DLG2: variants seen among roughly 807,000 people sequenced by gnomAD.
DLG2 encodes disks large homolog 2.
In DLG2, 45 loss-of-function variants were observed where a neutral mutation model predicts 132.5. The ratio of observed to expected loss-of-function variants is 0.34; its 90% CI spans 0.27 to 0.44. DLG2 has a LOEUF of 0.44. DLG2 is among the 20% of genes least tolerant of loss of function. The pLI, the probability that DLG2 is intolerant of heterozygous loss-of-function variation, is 1.00. For missense variants in DLG2, 1,045 were observed against 1,196.9 expected, an observed-to-expected ratio of 0.87 and a Z score of 1.87; for synonymous variants, 424 against 419.6, an observed-to-expected ratio of 1.01 and a Z score of -0.13.
At chr11:84,006,887 T>C (rs2094598641) in intron 11 of DLG2, among the ~76,000 whole-genome samples, 1 of 151,740 alleles carries the variant, frequency 6.6e-6, no homozygotes, top group African/African-American at 2.4e-5. Flanking sequence ...CTGTTTGTCA[T>C]ATCTTCTTCA....
intron 6 of DLG2, chr11:84,720,286 C>T (rs755062289): frequency 4.1e-6 from 4 of 985,480 alleles, no homozygotes; most frequent in Non-Finnish European, 4.8e-6. Context: ...AGACATGAAC[C>T]TCTTCCTACC....
chr11:84,437,250 G>C (rs1199846644), intron 7 of DLG2: 1 of 152,074 alleles, frequency 6.6e-6, no homozygotes, highest in Non-Finnish European at 1.5e-5. Flanking sequence ...CCTTTTCATA[G>C]TGGCAAGGAC....
chr11:84,357,905 A>G (rs2098627112), intron 7 of DLG2, among the ~76,000 whole-genome samples: 1 of 151,976 alleles, frequency 6.6e-6, no homozygotes, highest in Non-Finnish European at 1.5e-5. Context: ...GGTTATTGTA[A>G]TAATTTTCTA....
At chr11:84,754,395 A>G (rs1213355686) in intron 6 of DLG2, among the ~76,000 whole-genome samples, 1 of 152,180 alleles carries the variant, frequency 6.6e-6, no homozygotes, top group African/African-American at 2.4e-5. Context: ...TTATATAACA[A>G]TGCATCTGCT....
intron 3 of DLG2, among the ~76,000 whole-genome samples, chr11:85,597,213 T>C (rs187105381): frequency 1.4e-4 from 21 of 152,324 alleles, no homozygotes; most frequent in African/African-American, 4.8e-4. Flanking sequence ...AGTAGAGTTA[T>C]CTAAATTATC....
intron 3 of DLG2, among the ~76,000 whole-genome samples, chr11:85,517,927 G>A (rs2094201043): frequency 6.6e-6 from 1 of 152,126 alleles, no homozygotes. Context: ...TATAAGGAGA[G>A]TTTCCCTGCA....
intron 6 of DLG2, among the ~76,000 whole-genome samples, chr11:84,680,433 C>T (rs1372097173): frequency 2.0e-5 from 3 of 152,146 alleles, no homozygotes; most frequent in Non-Finnish European, 4.4e-5. Flanking sequence ...CTCACTTCCT[C>T]ATAATTCCAA....
intron 4 of DLG2, among the ~76,000 whole-genome samples, chr11:85,218,452 A>C (rs1029230865): frequency 6.6e-6 from 1 of 152,194 alleles, no homozygotes; most frequent in Non-Finnish European, 1.5e-5. Context: ...AAGCCAAAAA[A>C]CATCTGAAAA....
chr11:83,965,993 C>G (rs1591986248), intron 12 of DLG2, among the ~76,000 whole-genome samples: 1 of 151,964 alleles, frequency 6.6e-6, no homozygotes, highest in East Asian at 1.9e-4. Context: ...TGCATGACTA[C>G]AGTATAATGA....
chr11:83,685,762 C>T (rs11827364), intron 18 of DLG2, among the ~76,000 whole-genome samples: 1,714 of 152,130 alleles, frequency 0.011, 47 homozygotes, highest in African/African-American at 0.039. Flanking sequence ...CACATCTAAG[C>T]ATCTCTACTT....
intron 18 of DLG2, among the ~76,000 whole-genome samples, chr11:83,729,574 C>T (rs1320712011): frequency 1.3e-5 from 2 of 152,174 alleles, no homozygotes; most frequent in African/African-American, 4.8e-5. Context: ...AATCACATCA[C>T]CTTGCATTAA....
Position 83,516,065 on chromosome 11 carries a change from A to G in DLG2, c.2193+16643T>C, listed in dbSNP as rs1419219136. ...TCTGCTTGGTGCAGAGCTGAGTTCA[A>G]TTCCTGGATATCCTTGTTAATTTTC... is the stretch of plus-strand genomic sequence containing the variant. On this transcript the variant is annotated intron_variant, in intron 21 of 27. Transcript: ENST00000376104. Among the ~76,000 whole-genome samples the G allele has an allele frequency of 2.0e-5, 3 of 152,166 alleles. No homozygotes were observed. The South Asian group carries it at 6.2e-4, about 32-fold the overall frequency.
At position 85,038,832 on chromosome 11, in the gene DLG2, G is replaced by T. The variant is rs551844960; in HGVS notation, c.357+72829C>A. On this transcript the variant is annotated intron_variant, in intron 6 of 27. Coordinates refer to ENST00000376104, the MANE Select transcript of DLG2 (RefSeq NM_001142699.3). ...TTAAATTAGACACCACATATGGTTA[G>T]AAGACAAAATTATGGTCCAGTGTGT... is the stretch of plus-strand genomic sequence containing the variant. 2.6e-5 allele frequency among the ~76,000 whole-genome samples: 4 copies of T among 152,056 alleles called. 1 individual carries two copies. In the South Asian group the frequency reaches 8.3e-4, roughly 32 times the overall value.
chr11:83,709,879 G>T (rs1304104197), intron 18 of DLG2, among the ~76,000 whole-genome samples: 1 of 152,146 alleles, frequency 6.6e-6, no homozygotes, highest in Non-Finnish European at 1.5e-5. Context: ...TGAAAGGGCA[G>T]ATACAGCCTC....
At chr11:84,424,606 C>T (rs899821264) in intron 7 of DLG2, among the ~76,000 whole-genome samples, 1 of 151,996 alleles carries the variant, frequency 6.6e-6, no homozygotes, top group African/African-American at 2.4e-5. Flanking sequence ...AATGGCAGTG[C>T]TGGGATTTGA....
chr11:83,818,951 C>A (rs1287302697), intron 17 of DLG2, among the ~76,000 whole-genome samples: 1 of 152,138 alleles, frequency 6.6e-6, no homozygotes, highest in East Asian at 1.9e-4. Flanking sequence ...TTATGCAAAT[C>A]CACTGCCATC....
At chr11:83,782,243 T>C (rs1035410663) in intron 18 of DLG2, among the ~76,000 whole-genome samples, 2 of 152,234 alleles carry the variant, frequency 1.3e-5, no homozygotes, top group Non-Finnish European at 1.5e-5. Context: ...CAAACATTTC[T>C]TAAGCACCTA....
intron 6 of DLG2, among the ~76,000 whole-genome samples, chr11:84,708,580 C>A (rs1211088078): frequency 6.6e-6 from 1 of 151,682 alleles, no homozygotes; most frequent in Non-Finnish European, 1.5e-5. Flanking sequence ...AATTTTAAAC[C>A]CCAGAGCTCT....
chr11:84,834,665 T>C (rs1361780280), intron 6 of DLG2, among the ~76,000 whole-genome samples: 2 of 151,586 alleles, frequency 1.3e-5, no homozygotes, highest in Admixed American at 1.3e-4. Context: ...TTTTTTATCA[T>C]GAGGTGCAGG....
Sources: gnomAD v4.1 joint callset for allele counts (sites outside exome capture counted in the v4.1 genomes callset) on GRCh38, gnomAD v4.1.1 for gene constraint, MANE v1.5 for transcripts, NCBI Gene and HGNC (gene_info 2026-07-23, HGNC 2026-07-21) for gene names.